The following UNC80 variants were observed in gnomAD, a reference collection of about 807,000 sequenced individuals.
UNC80 encodes the protein protein unc-80 homolog.
In UNC80, 164 loss-of-function variants were observed where a neutral mutation model predicts 384.6. That is an observed-to-expected ratio of 0.43 (90% CI 0.38 to 0.49). The LOEUF (loss-of-function observed/expected upper bound fraction) is 0.49, where lower values mean the gene tolerates loss of function less well. Among genes scored for constraint, UNC80 ranks in the 20% least tolerant of loss-of-function variants. The pLI, the probability that UNC80 is intolerant of heterozygous loss-of-function variation, is 0.00. For missense variants in UNC80, 3,330 were observed against 4,143.0 expected, an observed-to-expected ratio of 0.80 and a Z score of 5.39; for synonymous variants, 1,486 against 1,527.8, an observed-to-expected ratio of 0.97 and a Z score of 0.64.
chr2:209,905,089 A>G, intron 29 of UNC80, 124 bp downstream of exon 29: 1 of 960,168 alleles, frequency 1.0e-6, no homozygotes, highest in East Asian at 2.6e-5. Flanking sequence ...GTGCATCTAA[A>G]CATAAGCAGA....
At chr2:209,803,204 C>G (rs1375239359) in intron 7 of UNC80, among the ~76,000 whole-genome samples, 7 of 152,272 alleles carry the variant, frequency 4.6e-5, no homozygotes, top group Admixed American at 3.3e-4. Flanking sequence ...TGCCTGCACT[C>G]AAGAGAAGAT....
chr2:209,980,564 T>C (rs1466289293), intron 59 of UNC80, among the ~76,000 whole-genome samples: 1 of 152,200 alleles, frequency 6.6e-6, no homozygotes, highest in Non-Finnish European at 1.5e-5. Context: ...TGTGTAGTAA[T>C]TTAAATAGGG....
chr2:209,805,149 G>T (rs2078813861), intron 7 of UNC80, among the ~76,000 whole-genome samples: 1 of 152,010 alleles, frequency 6.6e-6, no homozygotes, highest in Non-Finnish European at 1.5e-5. Context: ...AAATTAGAAG[G>T]CACCTTCAAC....
Position 209,994,178 on chromosome 2 carries a change from A to G in UNC80, c.9622A>G (p.Arg3208Gly), listed in dbSNP as rs778690369. 1.6e-4 allele frequency: 241 copies of G among 1,551,328 alleles called. No homozygotes were observed. The highest frequency in any genetic ancestry group is 1.4e-5 in the African/African-American group (1 of 72,972). Reference protein sequence around the residue: ...QLQGCSPAPSRKPEAMDEPVL... With the variant: ...QLQGCSPAPSGKPEAMDEPVL... ...ACAGGGCTGTAGCCCAGCCCCTTCT[A>G]GGAAACCAGAAGCAATGGACGAACC... The change falls in exon 64 of 65, where the codon AGG becomes GGG. Residue 3208 changes from arginine (R) to glycine (G), a missense_variant. This residue lies in a region of UNC80 where 236 missense variants were observed against 254.9 expected (regional missense o/e 0.93). Coordinates refer to ENST00000673920, the MANE Select transcript of UNC80 (RefSeq NM_001371986.1).
intron 51 of UNC80, among the ~76,000 whole-genome samples, chr2:209,964,345 G>C (rs916230509): frequency 2.0e-5 from 3 of 152,096 alleles, no homozygotes; most frequent in African/African-American, 7.2e-5. Context: ...AAGTACTCTT[G>C]CCAAAAATTC....
rs141177748 is a variant in UNC80 at position 209,868,621 on chromosome 2, G to A, written c.3628-4137G>A. Among the ~76,000 whole-genome samples, 11 of 152,190 alleles carry A rather than the reference G, an allele frequency of 7.2e-5. No individual in the cohort carries two copies. The East Asian group carries it at 1.7e-3, about 24-fold the overall frequency. Reference sequence around the variant, plus strand: ...TCTTATAAAATTCAAGGAAAAAATGGCAAAGAAGTCAAGGAAAGTAGCCAG... The same window carrying A: ...TCTTATAAAATTCAAGGAAAAAATGACAAAGAAGTCAAGGAAAGTAGCCAG... On this transcript the variant is annotated intron_variant, in intron 22 of 64. Coordinates refer to ENST00000673920, the MANE Select transcript of UNC80 (RefSeq NM_001371986.1).
At chr2:209,866,490 C>CCCCACA (rs1420955284) in intron 22 of UNC80, among the ~76,000 whole-genome samples, 91 of 107,600 alleles carry the variant, frequency 8.5e-4, no homozygotes, top group East Asian at 2.6e-3. Flanking sequence ...AAATGCACCC[C>CCCCACA]CACACACACA....
intron 43 of UNC80, among the ~76,000 whole-genome samples, chr2:209,940,000 T>G (rs1311852934): frequency 1.3e-5 from 2 of 152,164 alleles, no homozygotes; most frequent in South Asian, 2.1e-4. Flanking sequence ...CCTCCGGGTT[T>G]CAGGATGGGG....
rs777063026 is a variant in UNC80 at position 209,939,655 on chromosome 2, A to G, written c.6646+3A>G. The stretch of plus-strand genomic sequence containing the variant: ...TTCACTCTTCAGTGATCCTCAAGGT[A>G]TCAAACAAAGAAACATTGCCTCTCT... On this transcript the variant is annotated splice_donor_region_variant and intron_variant, in intron 43 of 64. Transcript: ENST00000673920. 6.5e-7 allele frequency: 1 copy of G among 1,535,190 alleles called. No homozygotes were observed. Among genetic ancestry groups the G allele is most frequent in the South Asian group, 1.2e-5 (1 of 80,674 alleles).
At position 209,786,060 on chromosome 2, in the gene UNC80, C is replaced by G. The variant is rs752926643; in HGVS notation, c.601-6C>G. 8 of 1,612,776 alleles carry G rather than the reference C, an allele frequency of 5.0e-6. No homozygotes were observed. The East Asian group carries it at 6.7e-5, about 13-fold the overall frequency. ...TATTGGACATATATCTTCTCCTCCC[C>G]CCTAGGAATCTGACCTCACCTTCCG... On this transcript the variant is annotated splice_polypyrimidine_tract_variant and splice_region_variant and intron_variant, in intron 4 of 64. Coordinates refer to ENST00000673920, the MANE Select transcript of UNC80 (RefSeq NM_001371986.1).
intron 9 of UNC80, among the ~76,000 whole-genome samples, chr2:209,815,981 C>A (rs1477086833): frequency 6.6e-6 from 1 of 152,066 alleles, no homozygotes; most frequent in Non-Finnish European, 1.5e-5. Flanking sequence ...TAGTGGTTTG[C>A]TTTCTCTTTT....
chr2:209,865,123 C>T (rs1001181986), intron 22 of UNC80, among the ~76,000 whole-genome samples: 27 of 152,174 alleles, frequency 1.8e-4, no homozygotes, highest in Non-Finnish European at 1.9e-4. Flanking sequence ...GGTGCGCTGC[C>T]GCACCACACT....
At chr2:209,967,330 G>A in intron 51 of UNC80, 107 bp from the exon 52 acceptor site, 1 of 712,760 alleles carries the variant, frequency 1.4e-6, no homozygotes, top group Non-Finnish European at 2.1e-6. Flanking sequence ...AGTTCAGGGA[G>A]TTGGTGGTCT....
Position 209,972,259 on chromosome 2 carries a change from G to A in UNC80, c.8315G>A (p.Arg2772Gln), listed in dbSNP as rs1169935090. 3.2e-6 allele frequency: 5 copies of A among 1,551,642 alleles called. No individual in the cohort carries two copies. Among genetic ancestry groups the A allele is most frequent in the African/African-American group, 2.7e-5 (2 of 73,058 alleles). The change falls in exon 55 of 65, where the codon CGA (arginine) becomes CAA (glutamine). Residue 2772 changes from arginine (R) to glutamine (Q), a missense_variant. This residue lies in a region of UNC80 where 1,049 missense variants were observed against 1,488.6 expected (regional missense o/e 0.70). Coordinates refer to ENST00000673920, the MANE Select transcript of UNC80 (RefSeq NM_001371986.1). ...HVISPFTNQE[R>Q]REGMLLNLLI... ...ATCTCCCCATTCACCAATCAAGAGCGAAGGGAGGGGATGCTTTTAAATCTG... is the reference window on the plus strand; with the variant it reads ...ATCTCCCCATTCACCAATCAAGAGCAAAGGGAGGGGATGCTTTTAAATCTG...
chr2:209,792,551 G>A (rs533960003), intron 6 of UNC80, among the ~76,000 whole-genome samples: 1 of 152,226 alleles, frequency 6.6e-6, no homozygotes, highest in East Asian at 1.9e-4. Context: ...GTTTTACCAT[G>A]TTAGCCCGGA....
At chr2:209,879,093 A>T (rs185205102) in intron 24 of UNC80, among the ~76,000 whole-genome samples, 7 of 152,006 alleles carry the variant, frequency 4.6e-5, no homozygotes, top group Admixed American at 4.6e-4. Context: ...TTATCAAATC[A>T]GAGCAAATCT....
chr2:209,924,689 G>A (rs1353490550), intron 35 of UNC80, among the ~76,000 whole-genome samples: 1 of 151,760 alleles, frequency 6.6e-6, no homozygotes, highest in African/African-American at 2.4e-5. Context: ...CTCCAGATTT[G>A]CCTTTTAAGA....
In UNC80 at chr2:209,992,193, T is replaced by G; in HGVS notation, c.9342T>G (p.Gly3114=). 1.3e-6 allele frequency: 2 copies of G among 1,551,520 alleles called. No individual in the cohort carries two copies. Among genetic ancestry groups the G allele is most frequent in the Non-Finnish European group, 1.7e-6 (2 of 1,146,922 alleles). ...TGGCAAGTATACAGAGTGAACCTGG[T>G]CAACAGAACCTCCTTGTTCAGCAGC... ...SRVASIQSEP[G]QQNLLVQQPL... The change falls in exon 62 of 65, where the codon GGT becomes GGG. Residue 3114 remains glycine (G), a synonymous_variant. Coordinates refer to ENST00000673920, the MANE Select transcript of UNC80 (RefSeq NM_001371986.1).
intron 13 of UNC80, among the ~76,000 whole-genome samples, chr2:209,822,303 CTG>C (rs2080192544): frequency 1.3e-5 from 2 of 152,162 alleles, no homozygotes; most frequent in African/African-American, 4.8e-5. Flanking sequence ...TCAGATCTGA[CTG>C]TAAATGAAAA....
Sources: gnomAD v4.1 joint callset for allele counts (sites outside exome capture counted in the v4.1 genomes callset) on GRCh38, gnomAD v4.1.1 for gene constraint, gnomAD v4.1.1 regional missense constraint, MANE v1.5 for transcripts, NCBI Gene and HGNC (gene_info 2026-07-23, HGNC 2026-07-21) for gene names.